Variants in CDH13 observed in about 807,000 individuals in gnomAD.
CDH13 encodes the protein cadherin 13.
CDH13 carries 24 observed loss-of-function variants against 63.8 expected under a neutral mutation model. The observed-to-expected ratio is 0.38, with a 90% CI of 0.27 to 0.53. CDH13 has a LOEUF of 0.53. CDH13 is among the 20% of genes least tolerant of loss of function. CDH13 has a pLI of 0.85. For synonymous variants in CDH13, 503 were observed against 355.3 expected (o/e 1.42, Z -4.67); for missense variants, 1,049 against 903.1 (o/e 1.16, Z -2.07).
At chr16:82,916,087 C>G (rs1173045691) in intron 2 of CDH13, among the ~76,000 whole-genome samples, 1 of 152,132 alleles carries the variant, frequency 6.6e-6, no homozygotes, top group Non-Finnish European at 1.5e-5. Context: ...TGCCTCCAGA[C>G]TACATTCCTT....
intron 2 of CDH13, among the ~76,000 whole-genome samples, chr16:82,896,088 AT>A (rs1197949449): frequency 6.6e-6 from 1 of 152,016 alleles, no homozygotes; most frequent in Non-Finnish European, 1.5e-5. Flanking sequence ...TTTATATAAT[AT>A]TTCACAACCT....
chr16:82,882,839 T>C (rs1443373910), intron 2 of CDH13, among the ~76,000 whole-genome samples: 1 of 152,198 alleles, frequency 6.6e-6, no homozygotes, highest in African/African-American at 2.4e-5. Context: ...GGATCATGCC[T>C]ATTCTCCTTC....
intron 2 of CDH13, among the ~76,000 whole-genome samples, chr16:82,905,923 C>T (rs1467348213): frequency 6.6e-6 from 1 of 152,120 alleles, no homozygotes; most frequent in African/African-American, 2.4e-5. Flanking sequence ...TCTCTTTTCC[C>T]AGGCTCTGTT....
intron 1 of CDH13, among the ~76,000 whole-genome samples, chr16:82,809,392 T>C (rs1344292466): frequency 4.6e-5 from 7 of 152,084 alleles, no homozygotes; most frequent in Non-Finnish European, 1.5e-5. Context: ...GTGAGTTTCT[T>C]CCTGAAGAGG....
At chr16:83,244,138 C>T (rs901111603) in intron 5 of CDH13, among the ~76,000 whole-genome samples, 17 of 152,062 alleles carry the variant, frequency 1.1e-4, no homozygotes, top group African/African-American at 3.9e-4. Context: ...CCATTTATTT[C>T]TGCTCGCTGA....
At chr16:82,968,914 G>C (rs1012811874) in intron 2 of CDH13, among the ~76,000 whole-genome samples, 41 of 152,130 alleles carry the variant, frequency 2.7e-4, no homozygotes, top group African/African-American at 9.2e-4. Flanking sequence ...GAGCTCAAGA[G>C]TTCAAGACAA....
chr16:82,930,693 C>A (rs1235268829), intron 2 of CDH13, among the ~76,000 whole-genome samples: 1 of 152,020 alleles, frequency 6.6e-6, no homozygotes, highest in Non-Finnish European at 1.5e-5. Context: ...TAGTTATGCC[C>A]TCAGATAAAT....
intron 10 of CDH13, among the ~76,000 whole-genome samples, chr16:83,689,157 T>A (rs1336568255): frequency 6.6e-6 from 1 of 152,242 alleles, no homozygotes; most frequent in Non-Finnish European, 1.5e-5. Context: ...ATTGGCTATA[T>A]TTGAATATAA....
rs114192271 is a variant in CDH13, at chr16:83,574,089, G to T, written c.961-28365G>T. ...CTCAATTTTCCCAGCTGCGAAATGG[G>T]CAGCTGCTGAAAAAGAGACCCTGCA... On this transcript the variant is annotated intron_variant, in intron 7 of 13. Coordinates refer to ENST00000567109, the MANE Select transcript of CDH13 (RefSeq NM_001257.5). Among the ~76,000 whole-genome samples, 1,017 of 152,236 alleles carry T rather than the reference G, an allele frequency of 6.7e-3. 11 individuals carry two copies. Among genetic ancestry groups the T allele is most frequent in the African/African-American group, 0.023 (963 of 41,552 alleles).
chr16:83,070,142 C>A (rs1230404679), intron 3 of CDH13, among the ~76,000 whole-genome samples: 1 of 152,084 alleles, frequency 6.6e-6, no homozygotes, highest in Non-Finnish European at 1.5e-5. Flanking sequence ...TTAAGAAATT[C>A]TGCTCTTGCA....
At chr16:82,696,140 C>G (rs2030260052) in intron 1 of CDH13, among the ~76,000 whole-genome samples, 1 of 152,138 alleles carries the variant, frequency 6.6e-6, no homozygotes, top group Non-Finnish European at 1.5e-5. Context: ...TTCTGGGACT[C>G]TGATGAAATC....
chr16:82,899,502 G>A (rs1178423189), intron 2 of CDH13, among the ~76,000 whole-genome samples: 3 of 152,034 alleles, frequency 2.0e-5, no homozygotes, highest in African/African-American at 7.2e-5. Context: ...TGATGATAAC[G>A]AATATCCTGT....
rs71148821 is a variant in CDH13, at chr16:83,216,427, T to TATATATATATATATATATATATATATAA, written c.484-901_484-900insTATATATATAAATATATATATATATATA. On this transcript the variant is annotated intron_variant, in intron 4 of 13. Coordinates refer to ENST00000567109, the MANE Select transcript of CDH13 (RefSeq NM_001257.5). ...ATATATATATATATATATATATATATATATATATATATATATACACAACCC... is the reference window on the plus strand; with the variant it reads ...ATATATATATATATATATATATATATATATATATATATATATATATATATATAAATATATATATATATATACACAACCC... Among the ~76,000 whole-genome samples, 75 of 45,056 alleles carry TATATATATATATATATATATATATATAA rather than the reference T, an allele frequency of 1.7e-3. 15 individuals are homozygous for TATATATATATATATATATATATATATAA. Among genetic ancestry groups the TATATATATATATATATATATATATATAA allele is most frequent in the Non-Finnish European group, 2.9e-3 (58 of 20,126 alleles). The allele number at this position is 45,056 out of a possible 152,430, so 29.6% of individuals were successfully genotyped here.
chr16:83,290,787 C>A (rs569973078), intron 5 of CDH13, among the ~76,000 whole-genome samples: 1 of 152,130 alleles, frequency 6.6e-6, no homozygotes, highest in Admixed American at 6.5e-5. Context: ...TGTCCATGCA[C>A]GTGCACTTTT....
chr16:82,679,192 T>C (rs545367022), intron 1 of CDH13, among the ~76,000 whole-genome samples: 6 of 152,288 alleles, frequency 3.9e-5, no homozygotes, highest in African/African-American at 1.4e-4. Flanking sequence ...GGGTATTCCA[T>C]TGTAAGGAGT....
intron 1 of CDH13, among the ~76,000 whole-genome samples, chr16:82,779,010 CG>C (rs2035628041): frequency 6.6e-6 from 1 of 152,024 alleles, no homozygotes. Context: ...ATTGAGATCC[CG>C]GAAAGCAAAG....
At chr16:82,905,890 G>A (rs1784184699) in intron 2 of CDH13, among the ~76,000 whole-genome samples, 1 of 152,146 alleles carries the variant, frequency 6.6e-6, no homozygotes, top group African/African-American at 2.4e-5. Context: ...ATTGTACAGT[G>A]TGGCAAAAGT....
intron 4 of CDH13, among the ~76,000 whole-genome samples, chr16:83,199,701 A>G (rs1394405475): frequency 6.6e-6 from 1 of 152,150 alleles, no homozygotes; most frequent in African/African-American, 2.4e-5. Flanking sequence ...GAGTGTCGTT[A>G]ACATTTATTG....
At chr16:83,617,999 T>C (rs955253642) in intron 8 of CDH13, among the ~76,000 whole-genome samples, 3 of 152,184 alleles carry the variant, frequency 2.0e-5, no homozygotes, top group South Asian at 2.1e-4. Flanking sequence ...AAAGAAACTA[T>C]CTGTTTTGTC....
Sources: gnomAD v4.1 joint callset for allele counts (sites outside exome capture counted in the v4.1 genomes callset) on GRCh38, gnomAD v4.1.1 for gene constraint, MANE v1.5 for transcripts, NCBI Gene and HGNC (gene_info 2026-07-23, HGNC 2026-07-21) for gene names.